The following AKAP6 variants were observed in gnomAD, a reference collection of about 807,000 sequenced individuals.
AKAP6 encodes A-kinase anchor protein 6.
A neutral mutation model predicts 188.5 loss-of-function variants in AKAP6; 58 were observed. The ratio of observed to expected loss-of-function variants is 0.31; its 90% CI spans 0.25 to 0.38. AKAP6 has a LOEUF of 0.38. AKAP6 is among the 10% of genes least tolerant of loss of function. The pLI, the probability that AKAP6 is intolerant of heterozygous loss-of-function variation, is 1.00. For missense variants in AKAP6, 2,710 were observed against 2,740.0 expected (o/e 0.99, Z 0.24); for synonymous variants, 989 against 998.6 (o/e 0.99, Z 0.18).
At chr14:32,806,803 C>G (rs2034099800) in intron 12 of AKAP6, among the ~76,000 whole-genome samples, 2 of 152,316 alleles carry the variant, frequency 1.3e-5, no homozygotes, top group South Asian at 2.1e-4. Context: ...TCTGGGTTAG[C>G]AGAGAAATCT....
intron 8 of AKAP6, among the ~76,000 whole-genome samples, chr14:32,694,233 C>T (rs372483379): frequency 2.0e-5 from 3 of 151,940 alleles, no homozygotes; most frequent in Non-Finnish European, 4.4e-5. Context: ...TGGTGGTGGG[C>T]GCCTGTAGTC....
chr14:32,333,835 A>G (rs964725040), intron 1 of AKAP6, among the ~76,000 whole-genome samples: 8 of 152,158 alleles, frequency 5.3e-5, no homozygotes, highest in Admixed American at 5.2e-4. Context: ...TCAGTTAAGG[A>G]GAGATATTTT....
chr14:32,753,259 A>G (rs914272059), intron 11 of AKAP6, among the ~76,000 whole-genome samples: 7 of 152,062 alleles, frequency 4.6e-5, no homozygotes, highest in Non-Finnish European at 7.4e-5. Context: ...GTGAGGTGAT[A>G]TCTCCTTATT....
intron 1 of AKAP6, among the ~76,000 whole-genome samples, chr14:32,400,793 G>A (rs1042288690): frequency 2.6e-5 from 4 of 152,136 alleles, no homozygotes; most frequent in Admixed American, 2.6e-4. Flanking sequence ...TTGCTCTGCT[G>A]CTGTGCTTCA....
intron 7 of AKAP6, among the ~76,000 whole-genome samples, chr14:32,632,813 T>A (rs1437765498): frequency 6.6e-6 from 1 of 152,132 alleles, no homozygotes; most frequent in Non-Finnish European, 1.5e-5. Flanking sequence ...GGCTTGGAAA[T>A]GACTTTCTAA....
At chr14:32,607,321 A>G (rs185848351) in intron 7 of AKAP6, among the ~76,000 whole-genome samples, 14 of 152,342 alleles carry the variant, frequency 9.2e-5, no homozygotes, top group Admixed American at 8.5e-4. Context: ...AACTGCATTT[A>G]TGTGTCGTCA....
At chr14:32,600,884 T>G (rs1166402835) in intron 7 of AKAP6, 92 bp downstream of exon 7, 2 of 1,262,642 alleles carry the variant, frequency 1.6e-6, no homozygotes, top group African/African-American at 1.5e-5. Context: ...CCTAAGGCTT[T>G]TTGTTTCTAC....
intron 2 of AKAP6, among the ~76,000 whole-genome samples, chr14:32,440,172 A>G (rs1370181436): frequency 6.6e-6 from 1 of 152,138 alleles, no homozygotes; most frequent in Non-Finnish European, 1.5e-5. Flanking sequence ...CCTACAAAGG[A>G]CATGAATTCA....
In AKAP6 at chr14:32,433,648, A is replaced by G. The variant is rs1222196594; in HGVS notation, c.155A>G (p.Tyr52Cys). The G allele has an allele frequency of 2.5e-6, 4 of 1,614,178 alleles. No individual in the cohort carries two copies. In the South Asian group the frequency reaches 4.4e-5, roughly 18 times the overall value. The change falls in exon 2 of 14, where the codon TAT becomes TGT. Residue 52 changes from tyrosine to cysteine, a missense_variant. Tyr to Cys is a radical substitution (Grantham distance 194). Around this residue, in one of 2 missense-constraint regions of AKAP6, gnomAD observed 237 missense variants for 313.9 expected, o/e 0.76. Coordinates refer to ENST00000280979, the MANE Select transcript of AKAP6 (RefSeq NM_004274.5). ...AAGGACATGGACTCTGACCAGCAGT[A>G]TGAAAAGCCACCCCCACTACACACA... ...AMKDMDSDQQ[Y>C]EKPPPLHTGA...
chr14:32,483,292 T>C (rs1206146863), intron 2 of AKAP6, among the ~76,000 whole-genome samples: 1 of 152,138 alleles, frequency 6.6e-6, no homozygotes, highest in East Asian at 1.9e-4. Context: ...TTTATGAAGG[T>C]TTTGTGAACT....
intron 2 of AKAP6, among the ~76,000 whole-genome samples, chr14:32,502,761 C>A (rs893353070): frequency 1.3e-5 from 2 of 152,040 alleles, no homozygotes; most frequent in Admixed American, 1.3e-4. Context: ...GATCTTTCTG[C>A]GTCAGAATAT....
chr14:32,467,524 T>C (rs1028990326), intron 2 of AKAP6, among the ~76,000 whole-genome samples: 1 of 152,126 alleles, frequency 6.6e-6, no homozygotes, highest in African/African-American at 2.4e-5. Flanking sequence ...ATTATTACTC[T>C]CTTGGACAAG....
chr14:32,680,448 C>T (rs1279272254), intron 8 of AKAP6, among the ~76,000 whole-genome samples: 2 of 152,150 alleles, frequency 1.3e-5, no homozygotes, highest in Non-Finnish European at 2.9e-5. Context: ...TCCAATGATA[C>T]ATAAACTTCA....
At chr14:32,652,183 C>T (rs934754912) in intron 7 of AKAP6, among the ~76,000 whole-genome samples, 17 of 152,144 alleles carry the variant, frequency 1.1e-4, no homozygotes, top group African/African-American at 3.9e-4. Flanking sequence ...TTACCACTTT[C>T]TTTTCTCCCA....
At chr14:32,448,012 C>T (rs1485420570) in intron 2 of AKAP6, among the ~76,000 whole-genome samples, 1 of 152,140 alleles carries the variant, frequency 6.6e-6, no homozygotes, top group African/African-American at 2.4e-5. Flanking sequence ...ATGCCCCGGA[C>T]CAAAGGTCCT....
intron 12 of AKAP6, among the ~76,000 whole-genome samples, chr14:32,812,763 C>G (rs1272687576): frequency 2.6e-5 from 4 of 152,222 alleles, no homozygotes; most frequent in African/African-American, 9.6e-5. Flanking sequence ...ACCTATAATA[C>G]TATCAACACT....
intron 2 of AKAP6, 126 bp downstream of exon 2, chr14:32,433,943 C>A: frequency 2.4e-6 from 2 of 836,872 alleles, no homozygotes; most frequent in Non-Finnish European, 1.8e-6. Flanking sequence ...AGGTTTCAAA[C>A]CATTATCTTT....
intron 2 of AKAP6, among the ~76,000 whole-genome samples, chr14:32,504,782 A>G (rs566639091): frequency 1.3e-5 from 2 of 152,282 alleles, no homozygotes; most frequent in Non-Finnish European, 2.9e-5. Context: ...CAACTCTCAG[A>G]TCTTCATGGC....
chr14:32,779,391 C>A, intron 12 of AKAP6, among the ~76,000 whole-genome samples: 1 of 115,352 alleles, frequency 8.7e-6, no homozygotes, highest in Non-Finnish European at 1.7e-5. Context: ...GCCTGGGCAA[C>A]AGAGTGAGAC....
Sources: gnomAD v4.1 joint callset for allele counts (sites outside exome capture counted in the v4.1 genomes callset) on GRCh38, gnomAD v4.1.1 for gene constraint, gnomAD v4.1.1 regional missense constraint, MANE v1.5 for transcripts, NCBI Gene and HGNC (gene_info 2026-07-23, HGNC 2026-07-21) for gene names.